The following ZNF385D variants were observed in gnomAD, a reference collection of about 807,000 sequenced individuals.
ZNF385D encodes zinc finger protein 659.
A neutral mutation model predicts 35.8 loss-of-function variants in ZNF385D; 15 were observed. The observed-to-expected ratio is 0.42, with a 90% CI of 0.28 to 0.64. ZNF385D has a LOEUF of 0.64. Ranked by LOEUF, ZNF385D falls within the 30% of genes least tolerant of loss-of-function variation. The pLI is 0.23. For synonymous variants in ZNF385D, 212 were observed against 186.8 expected (o/e 1.13, Z -1.10); for missense variants, 474 against 494.6 (o/e 0.96, Z 0.39).
chr3:21,487,824 A>G (rs59672901), intron 4 of ZNF385D, among the ~76,000 whole-genome samples: 1 of 152,128 alleles, frequency 6.6e-6, no homozygotes, highest in African/African-American at 2.4e-5. Context: ...TATTCACAAC[A>G]TGAAATTAAA....
intron 3 of ZNF385D, among the ~76,000 whole-genome samples, chr3:22,115,452 T>A (rs1576345723): frequency 6.6e-6 from 1 of 152,124 alleles, no homozygotes; most frequent in Non-Finnish European, 1.5e-5. Flanking sequence ...CCCAAATTAT[T>A]TTATGTCATA....
intron 3 of ZNF385D, among the ~76,000 whole-genome samples, chr3:21,978,589 G>A (rs542515243): frequency 5.5e-4 from 84 of 152,126 alleles, no homozygotes; most frequent in Non-Finnish European, 1.1e-3. Context: ...TTTTGCTTTT[G>A]TCTCCAGACT....
chr3:21,988,566 GT>G (rs1279896733), intron 3 of ZNF385D, among the ~76,000 whole-genome samples: 3 of 150,010 alleles, frequency 2.0e-5, no homozygotes, highest in African/African-American at 7.3e-5. Context: ...CCACTGCTCT[GT>G]TCAGAGCTGT....
chr3:21,668,221 C>T (rs2066463417), intron 1 of ZNF385D, among the ~76,000 whole-genome samples: 1 of 152,126 alleles, frequency 6.6e-6, no homozygotes. Context: ...AAGGGAGCTG[C>T]CTTACCTAAG....
Position 21,414,164 on chromosome 3 carries a change from T to A in ZNF385D, c.*7050A>T, listed in dbSNP as rs930750628. Reference sequence around the variant, plus strand: ...TTATTTTTCTCACCTAGGCTTTTATTTAATAAAAATTGCTGTGGATTTACA... The same window carrying A: ...TTATTTTTCTCACCTAGGCTTTTATATAATAAAAATTGCTGTGGATTTACA... On this transcript the variant is annotated 3_prime_UTR_variant, in exon 8 of 8. Coordinates refer to ENST00000281523, the MANE Select transcript of ZNF385D (RefSeq NM_024697.3). 6.6e-6 allele frequency: 1 copy of A among 151,874 alleles called. No individual in the cohort carries two copies. Among genetic ancestry groups the A allele is most frequent in the African/African-American group, 2.4e-5 (1 of 41,286 alleles). The allele number at this position is 151,874 out of a possible 1,614,324, so 9.4% of individuals were successfully genotyped here.
intron 4 of ZNF385D, among the ~76,000 whole-genome samples, chr3:21,440,069 C>T (rs560838811): frequency 6.6e-6 from 1 of 152,062 alleles, no homozygotes; most frequent in African/African-American, 2.4e-5. Context: ...TTTTCACTTA[C>T]CTTTTAACAG....
intron 1 of ZNF385D, among the ~76,000 whole-genome samples, chr3:21,666,951 C>T (rs561809573): frequency 6.6e-6 from 1 of 152,112 alleles, no homozygotes; most frequent in Admixed American, 6.5e-5. Flanking sequence ...GGGGTGCACA[C>T]CTGTAATCCC....
intron 2 of ZNF385D, among the ~76,000 whole-genome samples, chr3:22,257,637 G>A (rs1429734616): frequency 6.6e-6 from 1 of 151,806 alleles, no homozygotes; most frequent in African/African-American, 2.4e-5. Flanking sequence ...TCACTACTCT[G>A]CCCAGCATCT....
chr3:21,767,348 G>A (rs2070873787), intron 3 of ZNF385D, among the ~76,000 whole-genome samples: 1 of 150,544 alleles, frequency 6.6e-6, no homozygotes, highest in African/African-American at 2.5e-5. Context: ...TAGCTCAACT[G>A]CCACTTGTCT....
At chr3:22,086,452 G>A (rs1364756841) in intron 3 of ZNF385D, among the ~76,000 whole-genome samples, 1 of 152,104 alleles carries the variant, frequency 6.6e-6, no homozygotes, top group African/African-American at 2.4e-5. Flanking sequence ...ATTCACAATT[G>A]CTTCAAAGAG....
chr3:21,968,472 C>T (rs538909148), intron 3 of ZNF385D, among the ~76,000 whole-genome samples: 35 of 152,224 alleles, frequency 2.3e-4, no homozygotes, highest in African/African-American at 8.4e-4. Context: ...CCCCCAGCCC[C>T]AGGCAGAAGA....
chr3:22,198,187 G>A (rs1273917482), intron 2 of ZNF385D, among the ~76,000 whole-genome samples: 2 of 151,422 alleles, frequency 1.3e-5, no homozygotes, highest in East Asian at 3.9e-4. Flanking sequence ...AATAAACAAA[G>A]AATTTCTAGT....
At chr3:21,644,882 A>G (rs1220231710) in intron 2 of ZNF385D, among the ~76,000 whole-genome samples, 1 of 152,182 alleles carries the variant, frequency 6.6e-6, no homozygotes, top group South Asian at 2.1e-4. Flanking sequence ...TTGTGTTCCA[A>G]TCAGCACCTA....
intron 2 of ZNF385D, among the ~76,000 whole-genome samples, chr3:22,230,755 T>G (rs1366087572): frequency 6.6e-6 from 1 of 152,098 alleles, no homozygotes; most frequent in African/African-American, 2.4e-5. Context: ...CCAGAAAAGT[T>G]TATAGAGGAG....
At chr3:21,798,652 A>G (rs973795115) in intron 3 of ZNF385D, among the ~76,000 whole-genome samples, 1 of 152,136 alleles carries the variant, frequency 6.6e-6, no homozygotes, top group Non-Finnish European at 1.5e-5. Flanking sequence ...CATCTATGCC[A>G]CATAATGTAA....
chr3:22,326,289 G>C (rs559565366), intron 2 of ZNF385D, among the ~76,000 whole-genome samples: 14 of 152,276 alleles, frequency 9.2e-5, no homozygotes, highest in African/African-American at 3.1e-4. Context: ...GGGAAGATTT[G>C]AATCTGAGAG....
chr3:21,526,577 G>A (rs1708238546), intron 3 of ZNF385D, among the ~76,000 whole-genome samples: 1 of 152,124 alleles, frequency 6.6e-6, no homozygotes, highest in Non-Finnish European at 1.5e-5. Context: ...CTAGTGTCAT[G>A]GAAGCAAGAG....
At chr3:21,804,668 CTT>C (rs1224774047) in intron 3 of ZNF385D, among the ~76,000 whole-genome samples, 3 of 152,200 alleles carry the variant, frequency 2.0e-5, no homozygotes, top group African/African-American at 7.2e-5. Context: ...TTTAGTCTCT[CTT>C]GTCCTCAGAT....
intron 3 of ZNF385D, among the ~76,000 whole-genome samples, chr3:21,886,916 A>G (rs766682875): frequency 1.1e-4 from 16 of 152,118 alleles, no homozygotes; most frequent in Non-Finnish European, 2.1e-4. Context: ...ACTTTCATTC[A>G]TATGGGTCGG....
Sources: gnomAD v4.1 joint callset for allele counts (sites outside exome capture counted in the v4.1 genomes callset) on GRCh38, gnomAD v4.1.1 for gene constraint, MANE v1.5 for transcripts, NCBI Gene and HGNC (gene_info 2026-07-23, HGNC 2026-07-21) for gene names.